Variants in MARCHF1 observed in about 807,000 individuals in gnomAD.
The protein encoded by MARCHF1 is membrane associated ring-CH-type finger 1.
A neutral mutation model predicts 54.2 loss-of-function variants in MARCHF1; 40 were observed. The observed-to-expected ratio is 0.74, with a 90% confidence interval of 0.57 to 0.96. The LOEUF is 0.96. Ranked by LOEUF, MARCHF1 falls within the 40% of genes least tolerant of loss-of-function variation. MARCHF1 has a pLI of 0.00. For synonymous variants in MARCHF1, 236 were observed against 236.3 expected, an observed-to-expected ratio of 1.00 and a Z score of 0.01; for missense variants, 586 against 656.5, an observed-to-expected ratio of 0.89 and a Z score of 1.17.
At position 163,654,143 on chromosome 4, in the gene MARCHF1, T is replaced by C. The variant is rs551726472; in HGVS notation, c.163-40750A>G. Among the ~76,000 whole-genome samples, 5 of 151,814 alleles carry C rather than the reference T, an allele frequency of 3.3e-5. No homozygotes were observed. In the East Asian group the frequency reaches 7.8e-4, roughly 24 times the overall value. On this transcript the variant is annotated intron_variant, in intron 5 of 9. Transcript: ENST00000514618. ...GGATAGAGAGAACCATTGTGTTAAA[T>C]ATATGGTGACATAAACACTAATAAC... is the stretch of plus-strand genomic sequence containing the variant.
chr4:163,910,688 G>A (rs1285586308), intron 3 of MARCHF1, among the ~76,000 whole-genome samples: 1 of 152,050 alleles, frequency 6.6e-6, no homozygotes, highest in Non-Finnish European at 1.5e-5. Context: ...GTAGAGACTG[G>A]GTTTCACCAT....
At chr4:164,146,439 T>C (rs1046851656) in intron 1 of MARCHF1, among the ~76,000 whole-genome samples, 2 of 152,112 alleles carry the variant, frequency 1.3e-5, no homozygotes. Flanking sequence ...AAGGCTATAG[T>C]AACCAAAACA....
In MARCHF1 at chr4:164,011,395, AT is replaced by A. The variant is rs935249155; in HGVS notation, c.-247-22687del. Among the ~76,000 whole-genome samples, 98 of 7,554 alleles carry A rather than the reference AT, an allele frequency of 0.013. No individual in the cohort carries two copies. The Non-Finnish European group carries it at 0.24, about 19-fold the overall frequency. 5.0% of individuals were successfully genotyped at this position (7,554 alleles called of 152,430 possible). A position where few individuals can be genotyped will look rare whatever the true frequency, so the allele number is the denominator to read the frequency against. On this transcript the variant is annotated intron_variant, in intron 2 of 9. Transcript: ENST00000514618. ...CTGACAAGTTGTTAATAACCATAATATAATGAAAAGCTCAGACAACTCAACA... is the reference window on the plus strand; with the variant it reads ...CTGACAAGTTGTTAATAACCATAATAAATGAAAAGCTCAGACAACTCAACA...
intron 4 of MARCHF1, among the ~76,000 whole-genome samples, chr4:163,750,327 C>T (rs111998600): frequency 0.039 from 5,864 of 151,606 alleles, 168 homozygotes; most frequent in East Asian, 0.076. Flanking sequence ...CTGGCTAACA[C>T]GGTGAAACCC....
chr4:164,031,720 G>A (rs1288773626), intron 2 of MARCHF1, among the ~76,000 whole-genome samples: 3 of 152,094 alleles, frequency 2.0e-5, no homozygotes, highest in African/African-American at 7.2e-5. Context: ...ATGTGCTGCT[G>A]GATTTGGTTT....
At chr4:164,348,302 GAAGA>G (rs1730173211) in intron 1 of MARCHF1, among the ~76,000 whole-genome samples, 1 of 152,102 alleles carries the variant, frequency 6.6e-6, no homozygotes, top group Non-Finnish European at 1.5e-5. Flanking sequence ...AAGAAAGGAA[GAAGA>G]AAGATTCATC....
At chr4:163,582,781 A>G (rs1199666068) in intron 8 of MARCHF1, among the ~76,000 whole-genome samples, 1 of 150,856 alleles carries the variant, frequency 6.6e-6, no homozygotes, top group East Asian at 1.9e-4. Flanking sequence ...AAAAAAAACT[A>G]TTGATGAATC....
At position 164,062,908 on chromosome 4, in the gene MARCHF1, C is replaced by T. The variant is rs543333782; in HGVS notation, c.-248+48680G>A. On this transcript the variant is annotated intron_variant, in intron 2 of 9. Coordinates refer to ENST00000514618, the MANE Select transcript of MARCHF1 (RefSeq NM_001394959.1). ...ACAGAATGGATGTTATGTTAGCAGC[C>T]ATAAAAACATTAATTTCTTGTACAT... 5.9e-5 allele frequency among the ~76,000 whole-genome samples: 9 copies of T among 152,232 alleles called. No homozygotes were observed. The East Asian group carries it at 1.5e-3, about 26-fold the overall frequency.
intron 5 of MARCHF1, among the ~76,000 whole-genome samples, chr4:163,672,423 T>C (rs936537794): frequency 2.0e-5 from 3 of 152,188 alleles, no homozygotes; most frequent in African/African-American, 7.2e-5. Context: ...CAAGAAGCAC[T>C]TAATAAATAC....
At chr4:164,097,150 C>T (rs1451804925) in intron 2 of MARCHF1, among the ~76,000 whole-genome samples, 7 of 152,090 alleles carry the variant, frequency 4.6e-5, no homozygotes, top group Admixed American at 4.6e-4. Flanking sequence ...CACAACACAG[C>T]GTCTAGGCCT....
intron 2 of MARCHF1, among the ~76,000 whole-genome samples, chr4:164,079,200 T>G (rs1221096776): frequency 6.6e-6 from 1 of 152,202 alleles, no homozygotes; most frequent in Non-Finnish European, 1.5e-5. Context: ...ATTAGCACTG[T>G]GTGTTGTTAC....
chr4:164,275,348 C>A (rs1733852575), intron 1 of MARCHF1, among the ~76,000 whole-genome samples: 1 of 152,176 alleles, frequency 6.6e-6, no homozygotes, highest in Admixed American at 6.5e-5. Flanking sequence ...CCCTTCACGC[C>A]CTCCTCCCAG....
intron 1 of MARCHF1, among the ~76,000 whole-genome samples, chr4:164,296,652 G>A (rs1044345598): frequency 2.0e-5 from 3 of 152,142 alleles, no homozygotes; most frequent in Non-Finnish European, 4.4e-5. Context: ...TTACAGGCAT[G>A]AGCCACCATG....
intron 2 of MARCHF1, among the ~76,000 whole-genome samples, chr4:164,060,330 C>A (rs1183500562): frequency 6.6e-6 from 1 of 151,986 alleles, no homozygotes; most frequent in Non-Finnish European, 1.5e-5. Flanking sequence ...GACATATGTA[C>A]ACAAACATGT....
In MARCHF1 at chr4:163,726,914, G is replaced by A. The variant is rs138030596; in HGVS notation, c.112-26051C>T. Among the ~76,000 whole-genome samples the A allele has an allele frequency of 1.4e-3, 206 of 152,194 alleles. 1 individual carries two copies. Among genetic ancestry groups the A allele is most frequent in the African/African-American group, 4.8e-3 (201 of 41,508 alleles). On this transcript the variant is annotated intron_variant, in intron 4 of 9. Coordinates refer to ENST00000514618, the MANE Select transcript of MARCHF1 (RefSeq NM_001394959.1). Reference sequence around the variant, plus strand: ...TATTTGGCCCATTTTTAATGAATTTGTTCATTTTCTTATCGTTGAGTTTTA... The same window carrying A: ...TATTTGGCCCATTTTTAATGAATTTATTCATTTTCTTATCGTTGAGTTTTA...
At chr4:163,959,287 G>T (rs922729137) in intron 3 of MARCHF1, among the ~76,000 whole-genome samples, 1 of 150,670 alleles carries the variant, frequency 6.6e-6, no homozygotes, top group Non-Finnish European at 1.5e-5. Context: ...CCAAAAAAGA[G>T]CCCAAATAGC....
chr4:164,254,315 A>C (rs936183333), intron 1 of MARCHF1, among the ~76,000 whole-genome samples: 1 of 118,084 alleles, frequency 8.5e-6, no homozygotes, highest in Non-Finnish European at 1.7e-5. Flanking sequence ...CTAATAGTAT[A>C]CATATATATA....
intron 1 of MARCHF1, among the ~76,000 whole-genome samples, chr4:164,278,003 A>G (rs1733928920): frequency 6.6e-6 from 1 of 152,138 alleles, no homozygotes; most frequent in South Asian, 2.1e-4. Context: ...CAAACTAATA[A>G]CCAATAGATT....
intron 5 of MARCHF1, among the ~76,000 whole-genome samples, chr4:163,680,106 C>T (rs570548579): frequency 6.6e-6 from 1 of 150,550 alleles, no homozygotes; most frequent in South Asian, 2.1e-4. Context: ...GTAAAGTTCT[C>T]TTTAACTGAG....
Sources: allele counts gnomAD v4.1 joint callset (sites outside exome capture counted in the v4.1 genomes callset), GRCh38; gene constraint gnomAD v4.1.1; transcripts MANE v1.5; gene names NCBI Gene and HGNC (gene_info 2026-07-23, HGNC 2026-07-21).